NPLOC4: variants seen among roughly 807,000 people sequenced by gnomAD.
The protein encoded by NPLOC4 is nuclear protein localization protein 4 homolog.
Under a neutral mutation model 80.6 loss-of-function variants are expected in NPLOC4, and 18 were observed. That is an observed-to-expected ratio of 0.22 (90% confidence interval 0.15 to 0.33). The LOEUF is 0.33. NPLOC4 is among the 10% of genes least tolerant of loss of function. NPLOC4 has a pLI of 1.00. For missense variants in NPLOC4, 540 were observed against 786.1 expected (o/e 0.69, Z 3.74); for synonymous variants, 313 against 301.5 (o/e 1.04, Z -0.39).
Position 81,559,123 on chromosome 17 carries a change from G to GAGCCCAGGACAGCC in NPLOC4, c.*122_*135dup. On this transcript the variant is annotated 3_prime_UTR_variant, in exon 17 of 17. Transcript: ENST00000331134. Reference sequence around the variant, plus strand: ...TGCTGAGAAGCTTCAGTGGGTCAGGGAGCCCAGGACAGCCAGCCCCTTGTT... The same window carrying GAGCCCAGGACAGCC: ...TGCTGAGAAGCTTCAGTGGGTCAGGGAGCCCAGGACAGCCAGCCCAGGACAGCCAGCCCCTTGTT... 1.0e-6 allele frequency: 1 copy of GAGCCCAGGACAGCC among 998,144 alleles called. No homozygotes were observed. The highest frequency in any genetic ancestry group is 1.4e-6 in the Non-Finnish European group (1 of 702,346). 61.8% of individuals were successfully genotyped at this position (998,144 alleles called of 1,614,324 possible).
At chr17:81,570,588 G>T (rs576106216) in intron 13 of NPLOC4, among the ~76,000 whole-genome samples, 1 of 152,270 alleles carries the variant, frequency 6.6e-6, no homozygotes, top group Non-Finnish European at 1.5e-5. Flanking sequence ...CCCAAGGAAG[G>T]GCATCAGCTC....
At chr17:81,611,821 G>C (rs78180918) in intron 4 of NPLOC4, among the ~76,000 whole-genome samples, 6 of 151,570 alleles carry the variant, frequency 4.0e-5, no homozygotes, top group Admixed American at 1.3e-4. Context: ...TTAGCCAGGC[G>C]TGGTGGCGGG....
At chr17:81,605,877 A>C (rs2035190272) in intron 7 of NPLOC4, among the ~76,000 whole-genome samples, 1 of 148,558 alleles carries the variant, frequency 6.7e-6, no homozygotes, top group South Asian at 2.1e-4. Context: ...GCTGGAGTGC[A>C]GTGGCGTGAT....
intron 4 of NPLOC4, among the ~76,000 whole-genome samples, chr17:81,611,754 T>C (rs552093270): frequency 6.6e-6 from 1 of 150,846 alleles, no homozygotes; most frequent in East Asian, 2.0e-4. Flanking sequence ...AGTCAGGAGA[T>C]AGAGACCATC....
chr17:81,561,125 T>A (rs1014108972), intron 16 of NPLOC4, among the ~76,000 whole-genome samples: 1 of 151,968 alleles, frequency 6.6e-6, no homozygotes, highest in Non-Finnish European at 1.5e-5. Flanking sequence ...ACCTGGCTAA[T>A]TTTTTTTATT....
At chr17:81,634,320 CTCTT>C (rs1049498523) in intron 1 of NPLOC4, among the ~76,000 whole-genome samples, 3 of 151,900 alleles carry the variant, frequency 2.0e-5, no homozygotes, top group Admixed American at 1.3e-4. Flanking sequence ...TTCAAAAGAT[CTCTT>C]TCTTAAATTC....
At chr17:81,635,908 CT>C (rs1303469861) in intron 1 of NPLOC4, among the ~76,000 whole-genome samples, 1 of 128,848 alleles carries the variant, frequency 7.8e-6, no homozygotes, top group East Asian at 2.9e-4. Flanking sequence ...CTTCTCACAA[CT>C]TAACGAGGGA....
chr17:81,596,559 C>CT (rs1468089443), intron 10 of NPLOC4, among the ~76,000 whole-genome samples: 1 of 152,162 alleles, frequency 6.6e-6, no homozygotes, highest in African/African-American at 2.4e-5. Context: ...CAGCAAGACT[C>CT]TGTCTCAAAA....
At chr17:81,571,353 G>A (rs1052211086) in intron 13 of NPLOC4, among the ~76,000 whole-genome samples, 1 of 152,194 alleles carries the variant, frequency 6.6e-6, no homozygotes, top group African/African-American at 2.4e-5. Flanking sequence ...TTGCTGCCCT[G>A]TGGCCAATGG....
chr17:81,563,251 T>G (rs893706324), intron 16 of NPLOC4: 2 of 151,986 alleles, frequency 1.3e-5, no homozygotes, highest in African/African-American at 4.8e-5. Context: ...ATTTTTGTAG[T>G]TTTAACAGAA....
intron 8 of NPLOC4, among the ~76,000 whole-genome samples, chr17:81,601,359 G>A (rs1447483520): frequency 2.0e-5 from 3 of 152,204 alleles, no homozygotes; most frequent in Non-Finnish European, 4.4e-5. Flanking sequence ...CACAAACTCA[G>A]AGAAAAAGCT....
intron 12 of NPLOC4, among the ~76,000 whole-genome samples, chr17:81,575,820 A>T (rs924017925): frequency 4.6e-5 from 7 of 152,102 alleles, no homozygotes; most frequent in Non-Finnish European, 8.8e-5. Flanking sequence ...AAGATGCAAA[A>T]TTTTCTCTTA....
At chr17:81,585,673 GAAA>G (rs2034563972) in intron 12 of NPLOC4, among the ~76,000 whole-genome samples, 152 of 132,554 alleles carry the variant, frequency 1.1e-3, no homozygotes, top group Admixed American at 3.5e-3. Context: ...GGGGGGGGGG[GAAA>G]GAAAGAAATC....
intron 2 of NPLOC4, among the ~76,000 whole-genome samples, chr17:81,625,407 T>A (rs1036255183): frequency 1.3e-5 from 2 of 152,112 alleles, no homozygotes; most frequent in African/African-American, 4.8e-5. Flanking sequence ...GAGCAAGAGC[T>A]CTACACCGAG....
In NPLOC4 at chr17:81,581,375, A is replaced by AAAAAAAAAAAAAAAAAAAAAAAAAGTC. The variant is rs1555680405; in HGVS notation, c.1281+7568_1281+7569insGACTTTTTTTTTTTTTTTTTTTTTTTT. The stretch of plus-strand genomic sequence containing the variant: ...AAAAAAAAAAAAAAAAAAAAAAAAA[A>AAAAAAAAAAAAAAAAAAAAAAAAAGTC]AGTTAATAAAATCACCATGTCACAA... On this transcript the variant is annotated intron_variant, in intron 12 of 16. Coordinates refer to ENST00000331134, the MANE Select transcript of NPLOC4 (RefSeq NM_017921.4). Among the ~76,000 whole-genome samples the AAAAAAAAAAAAAAAAAAAAAAAAAGTC allele has an allele frequency of 9.6e-5, 7 of 72,860 alleles. 2 individuals carry two copies. The highest frequency in any genetic ancestry group is 3.5e-4 in the Admixed American group (2 of 5,764). The allele number at this position is 72,860 out of a possible 152,430, so 47.8% of individuals were successfully genotyped here.
intron 12 of NPLOC4, among the ~76,000 whole-genome samples, chr17:81,582,888 T>A (rs2034480646): frequency 6.6e-6 from 1 of 152,234 alleles, no homozygotes; most frequent in Non-Finnish European, 1.5e-5. Flanking sequence ...CTCTTGGGGC[T>A]GATGGGCAGT....
intron 3 of NPLOC4, among the ~76,000 whole-genome samples, chr17:81,613,884 C>A (rs983541498): frequency 1.3e-5 from 2 of 152,018 alleles, no homozygotes; most frequent in Non-Finnish European, 2.9e-5. Context: ...CTCTCCTCCC[C>A]CAACACTGCA....
chr17:81,601,307 C>T (rs571240418), intron 8 of NPLOC4, among the ~76,000 whole-genome samples: 1 of 152,278 alleles, frequency 6.6e-6, no homozygotes, highest in African/African-American at 2.4e-5. Context: ...CTGGGTATTA[C>T]CCATATGGAG....
chr17:81,601,300 G>C (rs2035051321), intron 8 of NPLOC4, among the ~76,000 whole-genome samples: 1 of 152,164 alleles, frequency 6.6e-6, no homozygotes, highest in South Asian at 2.1e-4. Flanking sequence ...ACGTTTGCTG[G>C]GTATTACCCA....
Sources: gnomAD v4.1 joint callset for allele counts (sites outside exome capture counted in the v4.1 genomes callset) on GRCh38, gnomAD v4.1.1 for gene constraint, MANE v1.5 for transcripts, NCBI Gene and HGNC (gene_info 2026-07-23, HGNC 2026-07-21) for gene names.